Variants in PCDHA5 observed in about 807,000 individuals in gnomAD.
PCDHA5 encodes protocadherin alpha 5.
In PCDHA5, 43 loss-of-function variants were observed where a neutral mutation model predicts 61.6. The ratio of observed to expected loss-of-function variants is 0.70; its 90% CI spans 0.55 to 0.90. PCDHA5 has a LOEUF of 0.90. PCDHA5 is among the 40% of genes least tolerant of loss of function. The pLI is 0.00. For missense variants in PCDHA5, 1,298 were observed against 1,222.7 expected (o/e 1.06, Z -0.92); for synonymous variants, 627 against 543.9 (o/e 1.15, Z -2.13).
chr5:140,927,666 G>C, intron 1 of PCDHA5: 1 of 1,614,180 alleles, frequency 6.2e-7, no homozygotes, highest in Non-Finnish European at 8.5e-7. Context: ...TTCAAGCCTT[G>C]GATCCAGATG....
intron 1 of PCDHA5, among the ~76,000 whole-genome samples, chr5:140,891,064 A>T (rs1442139760): frequency 6.6e-6 from 1 of 152,206 alleles, no homozygotes; most frequent in East Asian, 1.9e-4. Flanking sequence ...AGTAAATATT[A>T]TTCCAGTGTC....
intron 1 of PCDHA5, among the ~76,000 whole-genome samples, chr5:140,977,966 G>A (rs562447024): frequency 3.9e-5 from 6 of 152,004 alleles, no homozygotes; most frequent in South Asian, 4.2e-4. Context: ...CTCAATCTCC[G>A]CCCATGAAAA....
intron 1 of PCDHA5, chr5:140,859,474 T>TA: frequency 4.8e-6 from 1 of 210,386 alleles, no homozygotes; most frequent in Non-Finnish European, 9.2e-6. Context: ...CTATCAATTG[T>TA]GTTTTCCTGA....
rs114483996 is a variant in PCDHA5, at chr5:140,825,464, C to A, written c.2352+1337C>A. The stretch of plus-strand genomic sequence containing the variant: ...ATAATATATATCAGATATTTTGATA[C>A]AGAATTTTGCTCTTGTTGCCCAAAC... On this transcript the variant is annotated intron_variant, in intron 1 of 3. Coordinates refer to ENST00000529859, the MANE Select transcript of PCDHA5 (RefSeq NM_018908.3). 1.4e-3 allele frequency: 215 copies of A among 148,416 alleles called. 1 individual carries two copies. Among genetic ancestry groups the A allele is most frequent in the African/African-American group, 5.0e-3 (201 of 40,520 alleles). The allele number at this position is 148,416 out of a possible 1,614,324, so 9.2% of individuals were successfully genotyped here.
In PCDHA5 at chr5:140,858,166, C is replaced by T. The variant is rs781812057; in HGVS notation, c.2352+34039C>T. 1.9e-6 allele frequency: 3 copies of T among 1,597,908 alleles called. 1 individual carries two copies. The South Asian group carries it at 3.3e-5, about 18-fold the overall frequency. On this transcript the variant is annotated intron_variant, in intron 1 of 3. Transcript: ENST00000529859. ...TGATCATCGCCATCTGCGCGGTGTC[C>T]AGCTTGCTGGTGCTCACGCTGCTGC...
intron 1 of PCDHA5, chr5:140,870,531 G>C (rs1554164370): frequency 6.2e-7 from 1 of 1,614,196 alleles, no homozygotes; most frequent in Admixed American, 1.7e-5. Flanking sequence ...TCTTCACAGT[G>C]TCGGCGCGGG....
chr5:140,863,178 C>G (rs1420894530), intron 1 of PCDHA5: 3 of 736,630 alleles, frequency 4.1e-6, no homozygotes, highest in African/African-American at 3.6e-5. Flanking sequence ...TGACTGCCAC[C>G]GTCACCGTGG....
intron 1 of PCDHA5, among the ~76,000 whole-genome samples, chr5:140,919,232 T>G (rs1178591658): frequency 3.9e-5 from 6 of 152,246 alleles, no homozygotes; most frequent in African/African-American, 1.4e-4. Flanking sequence ...CTAGTAACAC[T>G]TTTTGTCTTG....
chr5:140,879,539 A>G (rs1554170849), intron 1 of PCDHA5, among the ~76,000 whole-genome samples: 1 of 152,238 alleles, frequency 6.6e-6, no homozygotes, highest in Non-Finnish European at 1.5e-5. Flanking sequence ...CAACTCCTTT[A>G]GAGAAAAAAA....
At chr5:140,845,025 G>A (rs1779666608) in intron 1 of PCDHA5, among the ~76,000 whole-genome samples, 1 of 149,154 alleles carries the variant, frequency 6.7e-6, no homozygotes, top group African/African-American at 2.5e-5. Flanking sequence ...TCATTTATGG[G>A]CATATTTTAG....
rs2150368778 is a variant in PCDHA5 at position 140,844,097 on chromosome 5, C to T, written c.2352+19970C>T. ...CTTAGGCACTGAACTCTTAATCTTA[C>T]TCCATATGCTGTACTTTGAAATGCA... On this transcript the variant is annotated intron_variant, in intron 1 of 3. Coordinates refer to ENST00000529859, the MANE Select transcript of PCDHA5 (RefSeq NM_018908.3). 8.7e-5 allele frequency among the ~76,000 whole-genome samples: 13 copies of T among 149,676 alleles called. No individual in the cohort carries two copies. In the East Asian group the frequency reaches 1.9e-3, roughly 22 times the overall value.
chr5:140,926,798 C>G, intron 1 of PCDHA5: 2 of 1,455,342 alleles, frequency 1.4e-6, no homozygotes, highest in Non-Finnish European at 1.8e-6. Flanking sequence ...GGAGCGTGCT[C>G]TTCCCCGCGG....
intron 1 of PCDHA5, among the ~76,000 whole-genome samples, chr5:140,901,673 A>G (rs964267221): frequency 6.6e-6 from 1 of 152,056 alleles, no homozygotes; most frequent in Admixed American, 6.6e-5. Context: ...AGATACCTTT[A>G]GGTATTATGG....
chr5:140,992,436 G>A (rs782486395), intron 3 of PCDHA5, among the ~76,000 whole-genome samples: 10 of 152,186 alleles, frequency 6.6e-5, no homozygotes, highest in Non-Finnish European at 1.3e-4. Flanking sequence ...TGTTCCAAGA[G>A]TTGGGAGCAG....
intron 1 of PCDHA5, among the ~76,000 whole-genome samples, chr5:140,972,015 G>A (rs782728118): frequency 2.6e-5 from 4 of 152,004 alleles, no homozygotes; most frequent in Admixed American, 6.5e-5. Context: ...CCTTTTATAT[G>A]GGATATTCAG....
At chr5:140,857,127 A>C in intron 1 of PCDHA5, 1 of 1,598,180 alleles carries the variant, frequency 6.3e-7, no homozygotes, top group Non-Finnish European at 8.6e-7. Flanking sequence ...CCAGTGAAAG[A>C]AGATGCTCAA....
At chr5:140,887,494 CT>C (rs1439502451) in intron 1 of PCDHA5, among the ~76,000 whole-genome samples, 1 of 152,128 alleles carries the variant, frequency 6.6e-6, no homozygotes, top group Non-Finnish European at 1.5e-5. Flanking sequence ...TGCATAGTTT[CT>C]AATAAGATGT....
intron 1 of PCDHA5, chr5:140,854,759 A>G (rs2043218942): frequency 6.7e-6 from 1 of 149,714 alleles, no homozygotes. Context: ...TTACATTTTC[A>G]TTCCTGAATA....
At chr5:140,962,719 T>G (rs928199903) in intron 1 of PCDHA5, among the ~76,000 whole-genome samples, 1 of 152,224 alleles carries the variant, frequency 6.6e-6, no homozygotes, top group Non-Finnish European at 1.5e-5. Flanking sequence ...TTGGAAAGTA[T>G]TTTCCTTCTG....
Sources: gnomAD v4.1 joint callset for allele counts (sites outside exome capture counted in the v4.1 genomes callset) on GRCh38, gnomAD v4.1.1 for gene constraint, MANE v1.5 for transcripts, NCBI Gene and HGNC (gene_info 2026-07-23, HGNC 2026-07-21) for gene names.